Variants in FGD3 observed in about 807,000 individuals in gnomAD.
FGD3 encodes the protein FYVE, RhoGEF and PH domain containing 3, also known as FYVE, RhoGEF and PH domain-containing protein 3.
FGD3 carries 45 observed loss-of-function variants against 71.8 expected under a neutral mutation model. That is an observed-to-expected ratio of 0.63 (90% CI 0.49 to 0.80). The LOEUF is 0.80. Ranked by LOEUF, FGD3 falls within the 30% of genes least tolerant of loss-of-function variation. The pLI is 0.00. For synonymous variants in FGD3, 378 were observed against 392.8 expected (o/e 0.96, Z 0.44); for missense variants, 844 against 951.5 (o/e 0.89, Z 1.49).
chr9:92,985,479 G>GTTTA (rs1007467231), intron 3 of FGD3, among the ~76,000 whole-genome samples: 3 of 152,156 alleles, frequency 2.0e-5, no homozygotes, highest in African/African-American at 7.2e-5. Context: ...TTGTTTGTTT[G>GTTTA]TTTATTTGTT....
At chr9:92,976,120 C>A in intron 2 of FGD3, 88 bp from the exon 3 acceptor site, 1 of 796,296 alleles carries the variant, frequency 1.3e-6, no homozygotes, top group South Asian at 2.0e-5. Context: ...GCGGAGGGTA[C>A]TGCCTGGGAG....
chr9:93,025,958 T>G (rs1414655840), intron 14 of FGD3, among the ~76,000 whole-genome samples: 1 of 152,212 alleles, frequency 6.6e-6, no homozygotes, highest in Non-Finnish European at 1.5e-5. Context: ...GGCCTCAGCC[T>G]GGCCACCCTC....
chr9:92,969,271 C>T lies in FGD3; in HGVS notation c.-217-5967C>T, dbSNP rs139269181. Among the ~76,000 whole-genome samples, 3 of 152,326 alleles carry T rather than the reference C, an allele frequency of 2.0e-5. No individual in the cohort carries two copies. The highest frequency in any genetic ancestry group is 6.5e-5 in the Admixed American group (1 of 15,304). On this transcript the variant is annotated intron_variant, in intron 1 of 17. Transcript: ENST00000375482. This position sits in a 1 kb window ranked among gnomAD's most constrained non-coding sequence, Gnocchi z 4.5. ...TTCAGGCCTGGCTGCCACCTGCTGT[C>T]GGCGGGGATGCCCCCGCATGCCTCT...
intron 3 of FGD3, 56 bp downstream of exon 3, chr9:92,976,765 G>T: frequency 6.8e-7 from 1 of 1,481,414 alleles, no homozygotes; most frequent in Non-Finnish European, 9.0e-7. Flanking sequence ...CTTAGGAGGG[G>T]TTTGAGATTT....
At chr9:92,979,906 C>G (rs2118591231) in intron 3 of FGD3, among the ~76,000 whole-genome samples, 1 of 151,426 alleles carries the variant, frequency 6.6e-6, no homozygotes, top group Non-Finnish European at 1.5e-5. Flanking sequence ...TCTGTGGCAC[C>G]TCTTGTAATG....
At chr9:92,954,999 G>A (rs531391186) in intron 1 of FGD3, among the ~76,000 whole-genome samples, 1 of 152,314 alleles carries the variant, frequency 6.6e-6, no homozygotes, top group East Asian at 1.9e-4. Context: ...CTATGTGTCC[G>A]AGAGCCAGCT....
At chr9:93,027,157 C>T (rs1381178918) in intron 14 of FGD3, among the ~76,000 whole-genome samples, 1 of 152,188 alleles carries the variant, frequency 6.6e-6, no homozygotes, top group Non-Finnish European at 1.5e-5. Flanking sequence ...TCCCTGTCAC[C>T]CTCAAGCCAG....
rs757663428 is a variant in FGD3, at chr9:92,976,435, G to A, written c.179G>A (p.Gly60Asp). 6.2e-7 allele frequency: 1 copy of A among 1,611,914 alleles called. No individual in the cohort carries two copies. The highest frequency in any genetic ancestry group is 8.5e-7 in the Non-Finnish European group (1 of 1,179,394). Reference protein sequence around the residue: ...AAAGDGSPDIGPTGELSGSLK... With the variant: ...AAAGDGSPDIDPTGELSGSLK... ...GCAGGGGACGGCTCTCCAGACATAG[G>A]CCCCACGGGAGAGCTGAGTGGTAGC... The change falls in exon 3 of 18, where the codon GGC becomes GAC. Residue 60 changes from glycine to aspartate, a missense_variant. Transcript: ENST00000375482.
At chr9:92,953,085 C>T (rs1031519311) in intron 1 of FGD3, among the ~76,000 whole-genome samples, 1 of 152,178 alleles carries the variant, frequency 6.6e-6, no homozygotes, top group African/African-American at 2.4e-5. Flanking sequence ...TTCTGGTTGA[C>T]GCTGTGCAGC....
intron 14 of FGD3, among the ~76,000 whole-genome samples, chr9:93,028,286 C>T (rs1862210285): frequency 6.7e-6 from 1 of 150,126 alleles, no homozygotes; most frequent in African/African-American, 2.5e-5. Context: ...TCTTTTTATT[C>T]TGCTCAGCTA....
intron 1 of FGD3, among the ~76,000 whole-genome samples, chr9:92,959,942 G>A (rs570969826): frequency 1.3e-4 from 19 of 151,414 alleles, no homozygotes; most frequent in Non-Finnish European, 2.5e-4. Context: ...TCATGTCTGC[G>A]TGTTCTCATT....
At chr9:92,996,727 G>A (rs559086215) in intron 3 of FGD3, among the ~76,000 whole-genome samples, 233 of 152,160 alleles carry the variant, frequency 1.5e-3, no homozygotes, top group African/African-American at 5.3e-3. Context: ...CCTTCATTTC[G>A]TTATGTACCC....
intron 14 of FGD3, among the ~76,000 whole-genome samples, chr9:93,027,572 T>A (rs1862160130): frequency 6.6e-6 from 1 of 152,048 alleles, no homozygotes; most frequent in Non-Finnish European, 1.5e-5. Flanking sequence ...ACATTCAGAG[T>A]TACTGGGAAT....
At chr9:93,030,456 C>A (rs772201603) in intron 15 of FGD3, among the ~76,000 whole-genome samples, 7 of 152,214 alleles carry the variant, frequency 4.6e-5, no homozygotes, top group Non-Finnish European at 8.8e-5. Context: ...CAGCTGCACA[C>A]CATCTCCATT....
At chr9:92,975,881 T>C (rs1279476439) in intron 2 of FGD3, among the ~76,000 whole-genome samples, 1 of 152,202 alleles carries the variant, frequency 6.6e-6, no homozygotes. Context: ...CTGTGTTCCT[T>C]TTGGTTATGG....
chr9:93,034,726 G>T (rs758639209), intron 17 of FGD3, 45 bp downstream of exon 17: 2 of 1,587,652 alleles, frequency 1.3e-6, no homozygotes, highest in Non-Finnish European at 1.7e-6. Flanking sequence ...GCAGCCCAGA[G>T]CCTCAGGCCT....
At chr9:93,026,925 A>G (rs1181380897) in intron 14 of FGD3, among the ~76,000 whole-genome samples, 1 of 152,090 alleles carries the variant, frequency 6.6e-6, no homozygotes, top group Non-Finnish European at 1.5e-5. Flanking sequence ...CTGCCCTTCC[A>G]CTAATCACTC....
chr9:93,013,904 A>G lies in FGD3; in HGVS notation c.1088A>G (p.Asp363Gly), dbSNP rs1861546352. 1 of 1,612,730 alleles carries G rather than the reference A, an allele frequency of 6.2e-7. No individual in the cohort carries two copies. Among genetic ancestry groups the G allele is most frequent in the African/African-American group, 1.3e-5 (1 of 74,988 alleles). Residue 363 changes from aspartate (D) to glycine (G), a missense_variant, in exon 9 of 18, where the codon GAC (aspartate) becomes GGC (glycine). Asp to Gly is a moderately conservative substitution (Grantham distance 94). Coordinates refer to ENST00000375482, the MANE Select transcript of FGD3 (RefSeq NM_001083536.2). ...EVYEQLGGEE[D>G]IVNPANELIK... ...TACGAGCAGCTGGGTGGGGAAGAAG[A>G]CATTGTCAACCCGGCCAATGAACTG...
At position 92,960,009 on chromosome 9, in the gene FGD3, C is replaced by T. The variant is rs138489847; in HGVS notation, c.-218+12280C>T. Among the ~76,000 whole-genome samples the T allele has an allele frequency of 7.4e-3, 1,129 of 152,120 alleles. 16 individuals are homozygous for T. Among genetic ancestry groups the T allele is most frequent in the African/African-American group, 0.025 (1,054 of 41,478 alleles). On this transcript the variant is annotated intron_variant, in intron 1 of 17. Transcript: ENST00000375482. ...ATTCTTCATGTCCCCGTATCCCTCA[C>T]GTCCCCGAGTCCCTGTGTTCCCATG...
Sources: allele counts gnomAD v4.1 joint callset (sites outside exome capture counted in the v4.1 genomes callset), GRCh38; gene constraint gnomAD v4.1.1; non-coding constraint Gnocchi (gnomAD v3.1); transcripts MANE v1.5; gene names NCBI Gene and HGNC (gene_info 2026-07-23, HGNC 2026-07-21).